Variants in LPAR1 observed in about 807,000 individuals in gnomAD.
The protein encoded by LPAR1 is LPA receptor 1.
Under a neutral mutation model 23.8 loss-of-function variants are expected in LPAR1, and 5 were observed. That is an observed-to-expected ratio of 0.21 (90% confidence interval 0.11 to 0.44). The LOEUF (loss-of-function observed/expected upper bound fraction) is 0.44. LPAR1 is among the 20% of genes least tolerant of loss of function. The pLI, the probability that LPAR1 is intolerant of heterozygous loss-of-function variation, is 0.99. For missense variants in LPAR1, 311 were observed against 482.8 expected (o/e 0.64, Z 3.33); for synonymous variants, 160 against 164.7 (o/e 0.97, Z 0.22).
At chr9:111,006,254 T>C (rs1267311485) in intron 2 of LPAR1, among the ~76,000 whole-genome samples, 3 of 152,212 alleles carry the variant, frequency 2.0e-5, no homozygotes, top group Non-Finnish European at 4.4e-5. Context: ...GCTGGTAATA[T>C]AATCTTCCCA....
upstream of LPAR1, among the ~76,000 whole-genome samples, chr9:111,038,970 T>G (rs1277335846): frequency 1.3e-5 from 2 of 152,198 alleles, no homozygotes; most frequent in Non-Finnish European, 2.9e-5. The surrounding 1 kb of genome is among the most constrained non-coding windows in gnomAD (Gnocchi z 4.4). Flanking sequence ...CTGGAAAACA[T>G]CGCGGGGCCC....
intron 5 of LPAR1, among the ~76,000 whole-genome samples, chr9:110,884,677 C>T (rs1218796839): frequency 6.6e-6 from 1 of 152,220 alleles, no homozygotes; most frequent in Non-Finnish European, 1.5e-5. Flanking sequence ...ACAGATATCA[C>T]TAGAATATAA....
At chr9:110,962,237 A>G (rs1426307978) in intron 4 of LPAR1, among the ~76,000 whole-genome samples, 1 of 152,132 alleles carries the variant, frequency 6.6e-6, no homozygotes, top group Non-Finnish European at 1.5e-5. Context: ...AGTCATCTCT[A>G]CACAATCCAG....
At position 110,941,313 on chromosome 9, in the gene LPAR1, A is replaced by T. The variant is rs1332280611; in HGVS notation, c.793+108T>A. On this transcript the variant is annotated intron_variant, in intron 5 of 5. Transcript: ENST00000683809. The surrounding 1 kb of genome is among the most constrained non-coding windows in gnomAD (Gnocchi z 6.1). ...CTCATCCCCTTGTAATTCCTGGTGA[A>T]TTACCTGGTGAATATTCATACTGTT... 2.4e-5 allele frequency: 24 copies of T among 1,006,174 alleles called. No individual in the cohort carries two copies. Among genetic ancestry groups the T allele is most frequent in the Non-Finnish European group, 3.5e-5 (24 of 684,056 alleles). The allele number at this position is 1,006,174 out of a possible 1,614,324, so 62.3% of individuals were successfully genotyped here.
At chr9:110,980,053 AG>A (rs1322374397) in intron 2 of LPAR1, among the ~76,000 whole-genome samples, 5 of 152,128 alleles carry the variant, frequency 3.3e-5, no homozygotes, top group African/African-American at 1.2e-4. Context: ...TACATGGCTC[AG>A]GTATGAACAG....
intron 5 of LPAR1, among the ~76,000 whole-genome samples, chr9:110,895,500 C>T (rs12001422): frequency 0.047 from 7,159 of 152,256 alleles, 299 homozygotes; most frequent in African/African-American, 0.11. Context: ...CTAGGGGAGA[C>T]CCACTTGTTT....
intron 4 of LPAR1, among the ~76,000 whole-genome samples, chr9:110,961,069 C>CTTT (rs71371698): frequency 1.1e-4 from 17 of 151,402 alleles, no homozygotes; most frequent in Admixed American, 6.6e-4. Flanking sequence ...CATTATTGTC[C>CTTT]TTTTTTTATT....
At chr9:111,009,000 A>C (rs577973092) in intron 2 of LPAR1, among the ~76,000 whole-genome samples, 3 of 152,198 alleles carry the variant, frequency 2.0e-5, no homozygotes, top group Non-Finnish European at 4.4e-5. Context: ...CATTTACAAG[A>C]GTCATCAAAA....
intron 5 of LPAR1, among the ~76,000 whole-genome samples, chr9:110,886,259 G>T (rs1292776982): frequency 6.7e-6 from 1 of 148,844 alleles, no homozygotes; most frequent in African/African-American, 2.5e-5. Context: ...AGCCACTCAG[G>T]AGGCTGAGGC....
chr9:110,965,302 T>C (rs1462707826), intron 4 of LPAR1, among the ~76,000 whole-genome samples: 3 of 152,324 alleles, frequency 2.0e-5, no homozygotes, highest in Middle Eastern at 3.4e-3. Context: ...AATATCTTTA[T>C]GTTCTTGACT....
intron 5 of LPAR1, among the ~76,000 whole-genome samples, chr9:110,936,516 C>G (rs908763562): frequency 3.3e-5 from 5 of 152,146 alleles, no homozygotes; most frequent in Non-Finnish European, 7.3e-5. Context: ...TTAACCTATC[C>G]TAATTCAGTT....
intron 2 of LPAR1, among the ~76,000 whole-genome samples, chr9:111,021,232 T>TATTA (rs1403085159): frequency 1.3e-5 from 2 of 152,204 alleles, no homozygotes; most frequent in African/African-American, 4.8e-5. Context: ...CGATACTTAA[T>TATTA]AGTACTCATT....
chr9:110,885,833 C>T (rs746726502), intron 5 of LPAR1, among the ~76,000 whole-genome samples: 9 of 152,244 alleles, frequency 5.9e-5, no homozygotes, highest in African/African-American at 1.4e-4. Flanking sequence ...GAGGCTGAGG[C>T]GGATGGATCA....
chr9:110,957,325 G>C (rs1051407253), intron 4 of LPAR1, among the ~76,000 whole-genome samples: 8 of 137,202 alleles, frequency 5.8e-5, no homozygotes, highest in Admixed American at 7.6e-5. Context: ...AGGTGATAGA[G>C]TGATACTCTG....
Position 110,941,316 on chromosome 9 carries a change from A to T in LPAR1, c.793+105T>A. 1 of 1,020,986 alleles carries T rather than the reference A, an allele frequency of 9.8e-7. No individual in the cohort carries two copies. The highest frequency in any genetic ancestry group is 1.4e-6 in the Non-Finnish European group (1 of 697,084). 63.2% of individuals were successfully genotyped at this position (1,020,986 alleles called of 1,614,324 possible). ...ATCCCCTTGTAATTCCTGGTGAATT[A>T]CCTGGTGAATATTCATACTGTTGGT... On this transcript the variant is annotated intron_variant, in intron 5 of 5. Coordinates refer to ENST00000683809, the MANE Select transcript of LPAR1 (RefSeq NM_001351411.2). This position sits in a 1 kb window ranked among gnomAD's most constrained non-coding sequence, Gnocchi z 6.1.
intron 3 of LPAR1, among the ~76,000 whole-genome samples, chr9:110,972,597 G>A (rs565931373): frequency 6.6e-6 from 1 of 152,250 alleles, no homozygotes; most frequent in Admixed American, 6.5e-5. Context: ...AGAGAATGCA[G>A]TAACCACCCC....
chr9:110,928,541 A>G (rs2094193236), intron 5 of LPAR1, among the ~76,000 whole-genome samples: 1 of 152,198 alleles, frequency 6.6e-6, no homozygotes, highest in African/African-American at 2.4e-5. Context: ...GAACATTAGA[A>G]TTTGCCAAAT....
chr9:110,948,140 C>G (rs1407644297), intron 4 of LPAR1, among the ~76,000 whole-genome samples: 1 of 152,130 alleles, frequency 6.6e-6, no homozygotes, highest in Non-Finnish European at 1.5e-5. Flanking sequence ...TTTTTAAATT[C>G]TTATTCTTAA....
intron 5 of LPAR1, among the ~76,000 whole-genome samples, chr9:110,925,688 G>T (rs376769885): frequency 6.6e-6 from 1 of 152,148 alleles, no homozygotes; most frequent in African/African-American, 2.4e-5. Context: ...ATCACAGCAG[G>T]CCACAGGTGG....
Sources: gnomAD v4.1 joint callset for allele counts (sites outside exome capture counted in the v4.1 genomes callset) on GRCh38, gnomAD v4.1.1 for gene constraint, Gnocchi (gnomAD v3.1) non-coding constraint, MANE v1.5 for transcripts, NCBI Gene and HGNC (gene_info 2026-07-23, HGNC 2026-07-21) for gene names.